JARID2: variants seen among roughly 807,000 people sequenced by gnomAD.
JARID2 encodes the protein jumonji and AT-rich interaction domain containing 2.
Under a neutral mutation model 125.6 loss-of-function variants are expected in JARID2, and 21 were observed. The ratio of observed to expected loss-of-function variants is 0.17; its 90% CI spans 0.12 to 0.24. The LOEUF is 0.24. Among genes scored for constraint, JARID2 ranks in the 10% least tolerant of loss-of-function variants. The probability of loss-of-function intolerance (pLI) is 1.00; values close to 1 mark genes in which losing one functional copy is unlikely to be tolerated. For missense variants in JARID2, 1,303 were observed against 1,639.6 expected (o/e 0.79, Z 3.55); for synonymous variants, 736 against 661.6 (o/e 1.11, Z -1.73).
At chr6:15,277,518 T>C (rs116489252) in intron 1 of JARID2, among the ~76,000 whole-genome samples, 45 of 152,286 alleles carry the variant, frequency 3.0e-4, no homozygotes, top group Non-Finnish European at 5.4e-4. Context: ...GTCTCTATCC[T>C]GGGTAAGGTT....
chr6:15,280,723 A>T (rs1218897456), intron 1 of JARID2, among the ~76,000 whole-genome samples: 1 of 149,484 alleles, frequency 6.7e-6, no homozygotes, highest in African/African-American at 2.5e-5. Context: ...CTGCCTCCTG[A>T]GTTCAAGCAG....
At chr6:15,386,229 C>T (rs938840528) in intron 2 of JARID2, among the ~76,000 whole-genome samples, 10 of 151,612 alleles carry the variant, frequency 6.6e-5, no homozygotes, top group Non-Finnish European at 1.2e-4. Context: ...AGCTATCTCT[C>T]CCTCTCCCCC....
In JARID2 at chr6:15,521,430, G is replaced by GA. The variant is rs973285771; in HGVS notation, c.*1179_*1180insA. The stretch of plus-strand genomic sequence containing the variant: ...TTTTCTCGGTGGGGGGTGGGGAGGG[G>GA]GGTGAGAAGACAAGATGAAGAAAAG... On this transcript the variant is annotated 3_prime_UTR_variant, in exon 18 of 18. Coordinates refer to ENST00000341776, the MANE Select transcript of JARID2 (RefSeq NM_004973.4). 1 of 146,402 alleles carries GA rather than the reference G, an allele frequency of 6.8e-6. No homozygotes were observed. Among genetic ancestry groups the GA allele is most frequent in the Non-Finnish European group, 1.5e-5 (1 of 66,160 alleles). The allele number at this position is 146,402 out of a possible 1,614,324, so 9.1% of individuals were successfully genotyped here. A position where few individuals can be genotyped will look rare whatever the true frequency, so the allele number is the denominator to read the frequency against.
chr6:15,271,544 C>T (rs7759497), intron 1 of JARID2, among the ~76,000 whole-genome samples: 58,017 of 152,092 alleles, frequency 0.38, 11,292 homozygotes, highest in South Asian at 0.53. Context: ...ATGTGGTGGC[C>T]CATGCCTGTA....
chr6:15,444,868 TAATAA>T (rs1561866951), intron 3 of JARID2, among the ~76,000 whole-genome samples: 1 of 151,236 alleles, frequency 6.6e-6, no homozygotes, highest in Admixed American at 6.6e-5. Flanking sequence ...AAAATTGAGT[TAATAA>T]AATGATGTTT....
chr6:15,403,890 A>C (rs1050438195), intron 2 of JARID2, among the ~76,000 whole-genome samples: 1 of 151,938 alleles, frequency 6.6e-6, no homozygotes, highest in Non-Finnish European at 1.5e-5. Context: ...AAATCTTGGG[A>C]CTGTTTTAAG....
At chr6:15,403,942 C>A (rs768076027) in intron 2 of JARID2, among the ~76,000 whole-genome samples, 1 of 152,024 alleles carries the variant, frequency 6.6e-6, no homozygotes, top group Non-Finnish European at 1.5e-5. Flanking sequence ...TTTTCTTGAC[C>A]GGAATGGGAA....
chr6:15,519,305 G>C (rs970439125), intron 17 of JARID2, among the ~76,000 whole-genome samples: 1 of 152,242 alleles, frequency 6.6e-6, no homozygotes. Flanking sequence ...TTACAGATAC[G>C]TGTGGACCGC....
chr6:15,304,889 G>A (rs190793237), intron 1 of JARID2, among the ~76,000 whole-genome samples: 1 of 152,310 alleles, frequency 6.6e-6, no homozygotes, highest in East Asian at 1.9e-4. Context: ...GTGAGGTGCA[G>A]GGAGGGGTGG....
intron 1 of JARID2, among the ~76,000 whole-genome samples, chr6:15,333,260 C>T (rs974845082): frequency 1.1e-4 from 16 of 152,190 alleles, no homozygotes; most frequent in African/African-American, 2.6e-4. Context: ...ATATACAACT[C>T]GGTGTTTTTT....
chr6:15,514,712 C>G (rs761039798), intron 16 of JARID2, among the ~76,000 whole-genome samples: 1 of 152,148 alleles, frequency 6.6e-6, no homozygotes, highest in African/African-American at 2.4e-5. Flanking sequence ...TACCTAAGGA[C>G]GCAAATCACA....
At chr6:15,402,012 G>C (rs1765458067) in intron 2 of JARID2, among the ~76,000 whole-genome samples, 1 of 150,964 alleles carries the variant, frequency 6.6e-6, no homozygotes, top group Non-Finnish European at 1.5e-5. Context: ...AGGTAATAAG[G>C]AAACAGGGGA....
chr6:15,487,657 G>A, intron 6 of JARID2, 115 bp downstream of exon 6: 1 of 910,836 alleles, frequency 1.1e-6, no homozygotes, highest in South Asian at 1.8e-5. Flanking sequence ...ATGCCCAGAA[G>A]CAAGACAGGG....
chr6:15,368,738 T>G, intron 1 of JARID2: 1 of 490,660 alleles, frequency 2.0e-6, no homozygotes, highest in South Asian at 1.5e-5. Flanking sequence ...CAGGGTATAT[T>G]TATATAGACA....
At chr6:15,515,590 A>C (rs1329241866) in intron 16 of JARID2, among the ~76,000 whole-genome samples, 1 of 152,130 alleles carries the variant, frequency 6.6e-6, no homozygotes, top group Non-Finnish European at 1.5e-5. Context: ...GTGCGAGACC[A>C]GCCTGGGTGA....
At chr6:15,406,414 C>T (rs1333017296) in intron 2 of JARID2, among the ~76,000 whole-genome samples, 1 of 152,170 alleles carries the variant, frequency 6.6e-6, no homozygotes, top group African/African-American at 2.4e-5. Context: ...AGCCTCATGA[C>T]AGAGCGAGAC....
chr6:15,308,235 T>TG (rs1239616552), intron 1 of JARID2, among the ~76,000 whole-genome samples: 1 of 152,210 alleles, frequency 6.6e-6, no homozygotes, highest in Non-Finnish European at 1.5e-5. Context: ...ATTTCTATGA[T>TG]GGAGTGCATT....
chr6:15,380,041 G>A (rs1282142612), intron 2 of JARID2, among the ~76,000 whole-genome samples: 2 of 149,540 alleles, frequency 1.3e-5, no homozygotes, highest in Non-Finnish European at 3.0e-5. Context: ...GTCGGGGGCC[G>A]GGGGTGAGGG....
At position 15,500,131 on chromosome 6, in the gene JARID2, T is replaced by C. The variant is rs570163307; in HGVS notation, c.1946-776T>C. 7.9e-5 allele frequency among the ~76,000 whole-genome samples: 12 copies of C among 152,282 alleles called. No homozygotes were observed. In the South Asian group the frequency reaches 2.1e-3, roughly 26 times the overall value. ...AGGGAGGTTGCTTTCTCCATTCCCA[T>C]CTAGAAAAGCCACTGGGCGCGCGTT... On this transcript the variant is annotated intron_variant, in intron 7 of 17. Transcript: ENST00000341776.
Sources: allele counts gnomAD v4.1 joint callset (sites outside exome capture counted in the v4.1 genomes callset), GRCh38; gene constraint gnomAD v4.1.1; transcripts MANE v1.5; gene names NCBI Gene and HGNC (gene_info 2026-07-23, HGNC 2026-07-21).